The following PLCH1 variants were observed in gnomAD, a reference collection of about 807,000 sequenced individuals.
PLCH1 encodes the protein phospholipase C eta 1.
Under a neutral mutation model 126.7 loss-of-function variants are expected in PLCH1, and 60 were observed. The ratio of observed to expected loss-of-function variants is 0.47; its 90% CI spans 0.38 to 0.59. The LOEUF (loss-of-function observed/expected upper bound fraction) is 0.59. Among genes scored for constraint, PLCH1 ranks in the 20% least tolerant of loss-of-function variants. PLCH1 has a pLI of 0.00. For missense variants in PLCH1, 1,723 were observed against 2,040.0 expected (o/e 0.84, Z 2.99); for synonymous variants, 719 against 734.9 (o/e 0.98, Z 0.35).
At chr3:155,711,835 T>A (rs1747146008) in intron 1 of PLCH1, among the ~76,000 whole-genome samples, 1 of 152,166 alleles carries the variant, frequency 6.6e-6, no homozygotes, top group South Asian at 2.1e-4. Context: ...AAAACTTCCT[T>A]TTCAGTTTTA....
chr3:155,673,565 A>T lies in PLCH1; in HGVS notation c.79+30581T>A, dbSNP rs147961478. 7.0e-3 allele frequency among the ~76,000 whole-genome samples: 1,063 copies of T among 152,294 alleles called. 6 individuals are homozygous for T. The highest frequency in any genetic ancestry group is 0.021 in the South Asian group (103 of 4,830). ...ATGTAGCAACTTCTAAAAGAAAAAA[A>T]TCTGTATGACTGAGAAGGGTAGATA... On this transcript the variant is annotated intron_variant, in intron 2 of 22. Coordinates refer to ENST00000460012, the MANE Select transcript of PLCH1 (RefSeq NM_014996.4).
rs931033776 is a variant in PLCH1, at chr3:155,497,186, G to A, written c.1894+134C>T. On this transcript the variant is annotated intron_variant, in intron 15 of 22. Transcript: ENST00000460012. ...ACACTATAGCAGCAGTGAGTTTCCT[G>A]ACACTCAAATTGGTTTCTACATAGT... 9 of 616,530 alleles carry A rather than the reference G, an allele frequency of 1.5e-5. No individual in the cohort carries two copies. In the African/African-American group the frequency reaches 1.7e-4, roughly 11 times the overall value. The allele number at this position is 616,530 out of a possible 1,614,324, so 38.2% of individuals were successfully genotyped here.
At chr3:155,693,945 G>T (rs1455496900) in intron 2 of PLCH1, among the ~76,000 whole-genome samples, 2 of 151,432 alleles carry the variant, frequency 1.3e-5, no homozygotes, top group Non-Finnish European at 2.9e-5. Flanking sequence ...AAAAAAGAAA[G>T]AAAGAAAAGA....
rs989674408 is a variant in PLCH1, at chr3:155,614,982, G to C, written c.80-18604C>G. On this transcript the variant is annotated intron_variant, in intron 2 of 22. Transcript: ENST00000460012. ...TTCTGCACAGCAGAAGAAATAATCAGCAGAGTAAATGGAAAACCCAAAAAG... is the reference window on the plus strand; with the variant it reads ...TTCTGCACAGCAGAAGAAATAATCACCAGAGTAAATGGAAAACCCAAAAAG... 3.3e-5 allele frequency among the ~76,000 whole-genome samples: 5 copies of C among 151,988 alleles called. No homozygotes were observed. The East Asian group carries it at 9.6e-4, about 29-fold the overall frequency.
At chr3:155,552,397 G>A (rs905905031) in intron 9 of PLCH1, among the ~76,000 whole-genome samples, 2 of 152,182 alleles carry the variant, frequency 1.3e-5, no homozygotes, top group East Asian at 1.9e-4. Flanking sequence ...ACAGAAATAT[G>A]TGCAGGGTGC....
chr3:155,688,769 G>T (rs1480446002), intron 2 of PLCH1, among the ~76,000 whole-genome samples: 1 of 152,192 alleles, frequency 6.6e-6, no homozygotes, highest in Non-Finnish European at 1.5e-5. Context: ...AAGCCCCCAT[G>T]GACCAGTGGT....
chr3:155,656,080 A>C (rs1161518846), intron 2 of PLCH1, among the ~76,000 whole-genome samples: 1 of 152,092 alleles, frequency 6.6e-6, no homozygotes, highest in Non-Finnish European at 1.5e-5. Flanking sequence ...AAAAGGGATA[A>C]TTTCCTAAAA....
chr3:155,542,543 C>A (rs1395787927), intron 10 of PLCH1, among the ~76,000 whole-genome samples: 1 of 152,068 alleles, frequency 6.6e-6, no homozygotes, highest in Non-Finnish European at 1.5e-5. Flanking sequence ...GTGGTTCTCC[C>A]AGCACGCAGC....
intron 1 of PLCH1, among the ~76,000 whole-genome samples, chr3:155,721,750 A>C (rs1232286585): frequency 6.6e-6 from 1 of 152,166 alleles, no homozygotes; most frequent in Non-Finnish European, 1.5e-5. Context: ...TATGCTGAAT[A>C]AAAGTGGTAA....
intron 2 of PLCH1, among the ~76,000 whole-genome samples, chr3:155,624,670 A>G (rs1736999731): frequency 1.3e-5 from 2 of 152,216 alleles, no homozygotes; most frequent in South Asian, 2.1e-4. Context: ...AAATACCTAG[A>G]AATACAACTT....
At chr3:155,551,278 C>T (rs145612226) in intron 9 of PLCH1, among the ~76,000 whole-genome samples, 1 of 151,758 alleles carries the variant, frequency 6.6e-6, no homozygotes, top group Non-Finnish European at 1.5e-5. Flanking sequence ...AACACTGTCT[C>T]TACTAAAAAT....
chr3:155,687,073 T>C (rs1440566403), intron 2 of PLCH1, among the ~76,000 whole-genome samples: 1 of 152,202 alleles, frequency 6.6e-6, no homozygotes, highest in African/African-American at 2.4e-5. Flanking sequence ...CCAAAATTCT[T>C]GCTCCTTGAT....
rs528859785 is a variant in PLCH1, at chr3:155,716,617, G to T, written c.-40-12353C>A. Among the ~76,000 whole-genome samples, 6 of 152,216 alleles carry T rather than the reference G, an allele frequency of 3.9e-5. No homozygotes were observed. In the South Asian group the frequency reaches 1.2e-3, roughly 32 times the overall value. On this transcript the variant is annotated intron_variant, in intron 1 of 22. Transcript: ENST00000460012. ...GGGGTGCCACACTTTGCAACAACCA[G>T]ATCTCACAAGAACTCACTTACTATC...
intron 21 of PLCH1, among the ~76,000 whole-genome samples, chr3:155,470,089 G>C (rs1210110042): frequency 6.6e-6 from 1 of 152,016 alleles, no homozygotes; most frequent in Non-Finnish European, 1.5e-5. Flanking sequence ...TGACTTTGAC[G>C]AGCTGAGAGA....
intron 1 of PLCH1, among the ~76,000 whole-genome samples, chr3:155,740,060 G>A (rs1749505210): frequency 6.6e-6 from 1 of 152,188 alleles, no homozygotes; most frequent in Non-Finnish European, 1.5e-5. Context: ...GACATAGCGT[G>A]TGTACCATAT....
chr3:155,649,386 A>G (rs1365327415), intron 2 of PLCH1, among the ~76,000 whole-genome samples: 1 of 152,194 alleles, frequency 6.6e-6, no homozygotes, highest in Non-Finnish European at 1.5e-5. Flanking sequence ...GCTACTCAGC[A>G]GACCTTGTTC....
At chr3:155,540,198 T>C (rs1037095635) in intron 10 of PLCH1, among the ~76,000 whole-genome samples, 13 of 152,278 alleles carry the variant, frequency 8.5e-5, no homozygotes, top group Admixed American at 4.6e-4. Context: ...TGTAGAAGAA[T>C]GAAACTGGAT....
chr3:155,491,576 C>T (rs149979467), intron 18 of PLCH1, among the ~76,000 whole-genome samples: 21 of 152,186 alleles, frequency 1.4e-4, no homozygotes, highest in African/African-American at 4.8e-4. Context: ...AGTATGTGTT[C>T]AATGAATACT....
At chr3:155,472,332 C>A (rs567983801) in intron 21 of PLCH1, among the ~76,000 whole-genome samples, 51 of 151,864 alleles carry the variant, frequency 3.4e-4, no homozygotes, top group Middle Eastern at 3.4e-3. Flanking sequence ...ATCTAGAAGA[C>A]ATGGATAAAT....
Sources: allele counts gnomAD v4.1 joint callset (sites outside exome capture counted in the v4.1 genomes callset), GRCh38; gene constraint gnomAD v4.1.1; transcripts MANE v1.5; gene names NCBI Gene and HGNC (gene_info 2026-07-23, HGNC 2026-07-21).